ADA2: variants seen among roughly 807,000 people sequenced by gnomAD.
ADA2 encodes the protein adenosine deaminase 2, also known as adenosine deaminase CECR1.
ADA2 carries 29 observed loss-of-function variants against 44.2 expected under a neutral mutation model. The observed-to-expected ratio is 0.66, with a 90% CI of 0.49 to 0.89. The LOEUF (loss-of-function observed/expected upper bound fraction) is 0.89, where lower values mean the gene tolerates loss of function less well. ADA2 is among the 40% of genes least tolerant of loss of function. The pLI is 0.00. For missense variants in ADA2, 637 were observed against 644.8 expected (o/e 0.99, Z 0.13); for synonymous variants, 215 against 234.9 (o/e 0.92, Z 0.77).
chr22:17,214,216 G>T, intron 1 of ADA2: 1 of 514,766 alleles, frequency 1.9e-6, no homozygotes, highest in Non-Finnish European at 3.7e-6. Flanking sequence ...TGCTGGGGTT[G>T]TGTGTGTTTC....
intron 4 of ADA2, among the ~76,000 whole-genome samples, chr22:17,196,117 C>T (rs544569797): frequency 1.2e-3 from 186 of 151,702 alleles, no homozygotes; most frequent in African/African-American, 4.3e-3. Flanking sequence ...GGGGCCAAGG[C>T]GAGTGGATCA....
At chr22:17,187,590 C>G (rs2062050195) in intron 7 of ADA2, among the ~76,000 whole-genome samples, 1 of 151,688 alleles carries the variant, frequency 6.6e-6, no homozygotes, top group African/African-American at 2.4e-5. Flanking sequence ...GTGCCTGTGC[C>G]CAGCCTAAAA....
At chr22:17,196,323 C>T (rs1440338881) in intron 4 of ADA2, among the ~76,000 whole-genome samples, 2 of 86,886 alleles carry the variant, frequency 2.3e-5, no homozygotes, top group African/African-American at 5.4e-5. Context: ...AACTCCATCC[C>T]AAAAAAAAAA....
chr22:17,184,484 C>T (rs114497898), intron 7 of ADA2, among the ~76,000 whole-genome samples: 254 of 152,228 alleles, frequency 1.7e-3, no homozygotes, highest in African/African-American at 5.8e-3. Flanking sequence ...ATTCACCATC[C>T]GACAACCAAG....
chr22:17,199,720 C>T, intron 4 of ADA2: 1 of 1,522,570 alleles, frequency 6.6e-7, no homozygotes, highest in Non-Finnish European at 8.8e-7. Context: ...GGTCCAGCCA[C>T]CCCTTACTAC....
intron 1 of ADA2, among the ~76,000 whole-genome samples, chr22:17,216,102 G>A (rs1281056758): frequency 1.3e-5 from 2 of 152,020 alleles, no homozygotes; most frequent in Non-Finnish European, 2.9e-5. Context: ...CAGGAGAATC[G>A]CTTGAACCTG....
At chr22:17,201,274 C>G (rs866838287) in intron 4 of ADA2, among the ~76,000 whole-genome samples, 36 of 152,016 alleles carry the variant, frequency 2.4e-4, no homozygotes, top group Admixed American at 7.2e-4. Flanking sequence ...GTGTCTGGTC[C>G]GAATGATAAC....
At chr22:17,198,574 T>A (rs1316911951) in intron 4 of ADA2, 2 of 152,122 alleles carry the variant, frequency 1.3e-5, no homozygotes, top group Admixed American at 6.6e-5. Flanking sequence ...GGAGCGCGGG[T>A]ACAGGGAGCA....
intron 1 of ADA2, among the ~76,000 whole-genome samples, chr22:17,216,365 C>T (rs1330816943): frequency 2.7e-5 from 4 of 149,778 alleles, no homozygotes; most frequent in African/African-American, 1.0e-4. Flanking sequence ...ACCCTATCTG[C>T]CCCACTCCCA....
intron 1 of ADA2, among the ~76,000 whole-genome samples, chr22:17,218,404 T>A (rs1317633885): frequency 6.6e-6 from 1 of 152,172 alleles, no homozygotes; most frequent in African/African-American, 2.4e-5. Flanking sequence ...ATCAGAGTGC[T>A]GGACGTCAGC....
intron 4 of ADA2, among the ~76,000 whole-genome samples, chr22:17,201,441 C>A (rs1462492697): frequency 1.3e-5 from 2 of 152,160 alleles, no homozygotes; most frequent in Non-Finnish European, 2.9e-5. Context: ...ATACTGCCAC[C>A]ATGTGGGCCT....
intron 7 of ADA2, among the ~76,000 whole-genome samples, chr22:17,186,604 C>T (rs1190051397): frequency 1.3e-5 from 2 of 148,980 alleles, no homozygotes; most frequent in African/African-American, 5.0e-5. Context: ...TTCCGTGGCT[C>T]AAGCCTGTAA....
intron 6 of ADA2, chr22:17,188,649 G>A (rs964774583): frequency 2.5e-6 from 1 of 395,686 alleles, no homozygotes; most frequent in Non-Finnish European, 4.6e-6. Context: ...GGAGGCCGAG[G>A]CAGGCAGATC....
At chr22:17,199,443 C>CCCACCCACCCCA in intron 4 of ADA2, 5 of 1,094,310 alleles carry the variant, frequency 4.6e-6, no homozygotes, top group East Asian at 4.7e-5. Flanking sequence ...TATCCTCTTC[C>CCCACCCACCCCA]CCTCCACCCA....
upstream of ADA2, chr22:17,219,661 G>GATTTTTTTTTTTTTTTTT (rs1178590006): frequency 1.6e-5 from 2 of 125,660 alleles, no homozygotes; most frequent in Non-Finnish European, 3.2e-5. Context: ...TGCATGTGGG[G>GATTTTTTTTTTTTTTTTT]TTTGTTTTTT....
At chr22:17,218,506 C>T (rs916537270) in intron 1 of ADA2, among the ~76,000 whole-genome samples, 7 of 152,112 alleles carry the variant, frequency 4.6e-5, no homozygotes, top group African/African-American at 1.7e-4. Context: ...AGCACGGTGA[C>T]TTCTATGTCA....
At chr22:17,185,278 G>A (rs2062022979) in intron 7 of ADA2, among the ~76,000 whole-genome samples, 1 of 151,416 alleles carries the variant, frequency 6.6e-6, no homozygotes, top group Non-Finnish European at 1.5e-5. Context: ...GCCGGGCGTG[G>A]TGGCAGGCGC....
intron 4 of ADA2, among the ~76,000 whole-genome samples, chr22:17,196,096 C>T (rs1235724139): frequency 1.3e-5 from 2 of 151,860 alleles, no homozygotes; most frequent in African/African-American, 4.8e-5. Flanking sequence ...CCTGTAATCC[C>T]AGCACTTTGG....
At chr22:17,211,870 G>A (rs1399652930) in intron 1 of ADA2, among the ~76,000 whole-genome samples, 7 of 151,600 alleles carry the variant, frequency 4.6e-5, no homozygotes, top group Non-Finnish European at 1.0e-4. Context: ...GGAGGTTGCA[G>A]TGAGCCAAGA....
Sources: gnomAD v4.1 joint callset for allele counts (sites outside exome capture counted in the v4.1 genomes callset) on GRCh38, gnomAD v4.1.1 for gene constraint, MANE v1.5 for transcripts, NCBI Gene and HGNC (gene_info 2026-07-23, HGNC 2026-07-21) for gene names.